ROBO1: variants seen among roughly 807,000 people sequenced by gnomAD.
The protein encoded by ROBO1 is roundabout homolog 1.
A neutral mutation model predicts 195.9 loss-of-function variants in ROBO1; 149 were observed. The ratio of observed to expected loss-of-function variants is 0.76; its 90% confidence interval spans 0.67 to 0.87. The LOEUF is 0.87. Ranked by LOEUF, ROBO1 falls within the 40% of genes least tolerant of loss-of-function variation. The pLI, the probability that ROBO1 is intolerant of heterozygous loss-of-function variation, is 0.00. For missense variants in ROBO1, 1,933 were observed against 2,068.3 expected (o/e 0.93, Z 1.27); for synonymous variants, 816 against 733.2 (o/e 1.11, Z -1.82).
chr3:79,620,292 G>C (rs1393050989), intron 1 of ROBO1, among the ~76,000 whole-genome samples: 1 of 152,138 alleles, frequency 6.6e-6, no homozygotes, highest in African/African-American at 2.4e-5. Context: ...GCTGAAGACT[G>C]ATGCTGCCCG....
intron 2 of ROBO1, among the ~76,000 whole-genome samples, chr3:79,526,115 GTCTTA>G (rs1301959099): frequency 6.6e-6 from 1 of 152,128 alleles, no homozygotes; most frequent in Non-Finnish European, 1.5e-5. Flanking sequence ...AGGGTAGCTA[GTCTTA>G]TCTTCTCATA....
At chr3:79,421,118 G>C (rs1469092752) in intron 2 of ROBO1, among the ~76,000 whole-genome samples, 1 of 152,036 alleles carries the variant, frequency 6.6e-6, no homozygotes, top group Admixed American at 6.6e-5. Context: ...AAGTCATGCA[G>C]AAATAGAAAA....
intron 1 of ROBO1, among the ~76,000 whole-genome samples, chr3:79,629,396 A>G (rs1050315238): frequency 6.6e-6 from 1 of 152,164 alleles, no homozygotes; most frequent in African/African-American, 2.4e-5. Context: ...TTGCTCCTAA[A>G]TGATTTTTGG....
chr3:79,579,096 G>A (rs1301364876), intron 2 of ROBO1, among the ~76,000 whole-genome samples: 2 of 152,112 alleles, frequency 1.3e-5, no homozygotes, highest in Non-Finnish European at 2.9e-5. Flanking sequence ...CAATCACTAT[G>A]GGCCAGGCAG....
At chr3:79,061,489 T>C (rs1300757629) in intron 3 of ROBO1, among the ~76,000 whole-genome samples, 6 of 152,136 alleles carry the variant, frequency 3.9e-5, no homozygotes, top group African/African-American at 1.2e-4. Flanking sequence ...TTCACAGAAT[T>C]GGAAAAAACT....
intron 4 of ROBO1, among the ~76,000 whole-genome samples, chr3:78,845,347 T>TA (rs2033588964): frequency 6.6e-6 from 1 of 152,036 alleles, no homozygotes; most frequent in Admixed American, 6.6e-5. Flanking sequence ...GCTCACATTA[T>TA]ACTGGGTTAA....
At chr3:78,989,663 G>A (rs2077191169) in intron 3 of ROBO1, among the ~76,000 whole-genome samples, 1 of 152,024 alleles carries the variant, frequency 6.6e-6, no homozygotes, top group Non-Finnish European at 1.5e-5. Context: ...TTTAACAGAG[G>A]AATACAGCTT....
chr3:78,643,064 C>T (rs948283389), intron 21 of ROBO1, among the ~76,000 whole-genome samples: 3 of 152,030 alleles, frequency 2.0e-5, no homozygotes, highest in Non-Finnish European at 2.9e-5. Context: ...ACCCATTTAT[C>T]GATAAATAAA....
rs1036558009 is a variant in ROBO1 at position 79,234,319 on chromosome 3, G to T, written c.89-108780C>A. ...TTCTTCTAAGATTCTTAGAGTTTGA[G>T]GTCTTACATTTAAATCGTTAAGCCA... is the stretch of plus-strand genomic sequence containing the variant. On this transcript the variant is annotated intron_variant, in intron 2 of 30. Coordinates refer to ENST00000464233, the MANE Select transcript of ROBO1 (RefSeq NM_002941.4). Among the ~76,000 whole-genome samples, 3 of 152,032 alleles carry T rather than the reference G, an allele frequency of 2.0e-5. No homozygotes were observed. In the East Asian group the frequency reaches 5.8e-4, roughly 29 times the overall value.
intron 2 of ROBO1, among the ~76,000 whole-genome samples, chr3:79,353,429 A>G (rs951306796): frequency 7.0e-6 from 1 of 142,892 alleles, no homozygotes; most frequent in South Asian, 2.3e-4. Context: ...ACACACACAC[A>G]CGCACAGAAG....
At chr3:78,662,159 C>T in intron 14 of ROBO1, 45 bp from the exon 15 acceptor site, 1 of 1,531,398 alleles carries the variant, frequency 6.5e-7, no homozygotes, top group Non-Finnish European at 8.8e-7. Context: ...CACAACGTTA[C>T]TGAACGGAAT....
Position 78,667,887 on chromosome 3 carries a change from T to A in ROBO1, c.1962A>T (p.Thr654=). The A allele has an allele frequency of 6.2e-7, 1 of 1,613,340 alleles. No homozygotes were observed. Residue 654 remains threonine (T), a synonymous_variant, in exon 14 of 31, where the codon ACA becomes ACT. Transcript: ENST00000464233. ...DPSQISDPVK[T]QDVLPTSQGV... is the part of the protein sequence containing the mutation. Reference sequence around the variant, plus strand: ...TTTAAGTAAATCAATATTTACCTTGTGTTTTCACTGGATCTGATATTTGGC... The same window carrying A: ...TTTAAGTAAATCAATATTTACCTTGAGTTTTCACTGGATCTGATATTTGGC...
intron 2 of ROBO1, among the ~76,000 whole-genome samples, chr3:79,465,002 G>A (rs763817647): frequency 3.3e-5 from 5 of 152,144 alleles, no homozygotes; most frequent in Non-Finnish European, 7.4e-5. Context: ...CTTAAAGAAT[G>A]TGTGACATTT....
intron 2 of ROBO1, among the ~76,000 whole-genome samples, chr3:79,239,781 T>C (rs1364784468): frequency 6.6e-6 from 1 of 152,228 alleles, no homozygotes; most frequent in African/African-American, 2.4e-5. Context: ...TATTATTGCT[T>C]AGCACAGCAC....
At chr3:79,485,828 T>C (rs1219949606) in intron 2 of ROBO1, among the ~76,000 whole-genome samples, 1 of 152,214 alleles carries the variant, frequency 6.6e-6, no homozygotes, top group Non-Finnish European at 1.5e-5. Flanking sequence ...CGATTCTTTA[T>C]ACTGTATTAA....
In ROBO1 at chr3:79,138,224, G is replaced by T. The variant is rs192293463; in HGVS notation, c.89-12685C>A. Among the ~76,000 whole-genome samples the T allele has an allele frequency of 1.4e-4, 22 of 152,046 alleles. No individual in the cohort carries two copies. In the East Asian group the frequency reaches 3.3e-3, roughly 23 times the overall value. ...TAAGTTGAAGGGTGATTAAGACAGG[G>T]TCATGTCTTACTCATCATCCTATGC... On this transcript the variant is annotated intron_variant, in intron 2 of 30. Transcript: ENST00000464233.
intron 3 of ROBO1, among the ~76,000 whole-genome samples, chr3:79,054,449 G>A (rs545523489): frequency 6.6e-6 from 1 of 152,150 alleles, no homozygotes; most frequent in Admixed American, 6.6e-5. Context: ...AAATGGCCAT[G>A]CATTCCATCC....
chr3:79,023,772 G>A lies in ROBO1; in HGVS notation c.173-84845C>T, dbSNP rs763218189. 6.8e-5 allele frequency among the ~76,000 whole-genome samples: 9 copies of A among 131,736 alleles called. No homozygotes were observed. In the South Asian group the frequency reaches 1.5e-3, roughly 22 times the overall value. 86.4% of individuals were successfully genotyped at this position (131,736 alleles called of 152,430 possible). A position where few individuals can be genotyped will look rare whatever the true frequency, so the allele number is the denominator to read the frequency against. On this transcript the variant is annotated intron_variant, in intron 3 of 30. Transcript: ENST00000464233. ...CGCTTGAGTGCAGTGGTGCGATCTC[G>A]GCTCACTGCAACCTCCGCCTCCCAT...
intron 21 of ROBO1, among the ~76,000 whole-genome samples, chr3:78,644,168 T>A (rs1232749482): frequency 6.6e-6 from 1 of 152,048 alleles, no homozygotes; most frequent in African/African-American, 2.4e-5. Flanking sequence ...CATCCGTAAG[T>A]GGCTAGGAAT....
Sources: allele counts gnomAD v4.1 joint callset (sites outside exome capture counted in the v4.1 genomes callset), GRCh38; gene constraint gnomAD v4.1.1; transcripts MANE v1.5; gene names NCBI Gene and HGNC (gene_info 2026-07-23, HGNC 2026-07-21).